The following SOX17 variants were observed in gnomAD, a reference collection of about 807,000 sequenced individuals.
SOX17 encodes the protein SRY-box transcription factor 17.
Under a neutral mutation model 16.0 loss-of-function variants are expected in SOX17, and 4 were observed. The ratio of observed to expected loss-of-function variants is 0.25; its 90% CI spans 0.12 to 0.57. SOX17 has a LOEUF of 0.57. Ranked by LOEUF, SOX17 falls within the 20% of genes least tolerant of loss-of-function variation. The probability of loss-of-function intolerance (pLI) is 0.92; values close to 1 mark genes in which losing one functional copy is unlikely to be tolerated. For missense variants in SOX17, 633 were observed against 609.7 expected, an observed-to-expected ratio of 1.04 and a Z score of -0.40; for synonymous variants, 357 against 284.6, an observed-to-expected ratio of 1.25 and a Z score of -2.56.
At position 54,459,695 on chromosome 8, in the gene SOX17, G is replaced by C; in HGVS notation, c.945G>C (p.Pro315=). 1.3e-6 allele frequency: 2 copies of C among 1,538,158 alleles called. No individual in the cohort carries two copies. The highest frequency in any genetic ancestry group is 1.4e-5 in the African/African-American group (1 of 72,232). Residue 315 remains proline (P), a synonymous_variant, in exon 2 of 2, where the codon CCG becomes CCC. Transcript: ENST00000297316. The part of the protein sequence containing the change: ...AGGGRGFQMQ[P]QHQHQHQHQH... The stretch of plus-strand genomic sequence containing the variant: ...GCGGGCGCGGCTTCCAGATGCAGCC[G>C]CAACACCAGCACCAGCACCAGCACC...
In SOX17 at chr8:54,458,180, C is replaced by T; in HGVS notation, c.42C>T (p.Ser14=). The change falls in exon 1 of 2, where the codon AGC becomes AGT. Residue 14 remains serine (S), a synonymous_variant. Coordinates refer to ENST00000297316, the MANE Select transcript of SOX17 (RefSeq NM_022454.4). ...PDAGYASDDQ[S]QTQSALPAVM... ...CGGGATACGCCAGTGACGACCAGAG[C>T]CAGACCCAGAGCGCGCTGCCCGCGG... 3.8e-6 allele frequency: 6 copies of T among 1,587,062 alleles called. No homozygotes were observed. The highest frequency in any genetic ancestry group is 5.1e-6 in the Non-Finnish European group (6 of 1,171,740).
At position 54,459,698 on chromosome 8, in the gene SOX17, A is replaced by ACACCAGCACCAGCACCAG. The variant is rs564144826; in HGVS notation, c.960_977dup (p.Gln320_His325dup). The ACACCAGCACCAGCACCAG allele has an allele frequency of 4.5e-6, 7 of 1,543,376 alleles. No individual in the cohort carries two copies. The highest frequency in any genetic ancestry group is 4.9e-5 in the East Asian group (2 of 40,960). On this transcript the variant is annotated inframe_insertion, in exon 2 of 2. Transcript: ENST00000297316. Reference sequence around the variant, plus strand: ...GGCGCGGCTTCCAGATGCAGCCGCAACACCAGCACCAGCACCAGCACCAGC... The same window carrying ACACCAGCACCAGCACCAG: ...GGCGCGGCTTCCAGATGCAGCCGCAACACCAGCACCAGCACCAGCACCAGCACCAGCACCAGCACCAGC...
In SOX17 at chr8:54,459,317, C is replaced by G; in HGVS notation, c.567C>G (p.Pro189=). The change falls in exon 2 of 2, where the codon CCC becomes CCG. Residue 189 remains proline, a synonymous_variant. Coordinates refer to ENST00000297316, the MANE Select transcript of SOX17 (RefSeq NM_022454.4). ...LGLQFPEQGF[P]AGPPLLPPHM... is the part of the protein sequence containing the mutation. ...TCCAGTTCCCCGAGCAGGGCTTCCC[C>G]GCCGGCCCGCCGCTGCTGCCTCCGC... The G allele has an allele frequency of 2.0e-6, 3 of 1,526,210 alleles. No individual in the cohort carries two copies. The highest frequency in any genetic ancestry group is 2.6e-6 in the Non-Finnish European group (3 of 1,145,870). The allele number at this position is 1,526,210 out of a possible 1,614,324, so 94.5% of individuals were successfully genotyped here. A position where few individuals can be genotyped will look rare whatever the true frequency, so the allele number is the denominator to read the frequency against.
chr8:54,459,021 G>A (rs1012170231), intron 1 of SOX17, 37 bp from the exon 2 acceptor site: 2 of 1,538,332 alleles, frequency 1.3e-6, no homozygotes, highest in South Asian at 1.2e-5. Flanking sequence ...CAGCCGATAA[G>A]CCCTGCGCCC....
Position 54,459,579 on chromosome 8 carries a change from G to C in SOX17, c.829G>C (p.Glu277Gln). The C allele has an allele frequency of 1.3e-6, 2 of 1,538,870 alleles. No individual in the cohort carries two copies. The highest frequency in any genetic ancestry group is 1.9e-5 in the Admixed American group (1 of 52,422). ...TCCCATGCACCCCCGACTCGGCCCA[G>C]AGCCCGCGGGTCCCTCGATTCCGGG... The part of the protein sequence containing the change: ...AGPMHPRLGP[E>Q]PAGPSIPGLL... Residue 277 changes from glutamate to glutamine, a missense_variant, in exon 2 of 2, where the codon GAG becomes CAG. Physicochemically the swap from Glu to Gln is conservative, Grantham distance 29. This residue lies in a region of SOX17 where 479 missense variants were observed against 397.2 expected (regional missense o/e 1.21). Transcript: ENST00000297316.
chr8:54,458,978 A>G lies in SOX17; in HGVS notation c.308-80A>G, dbSNP rs12544958. 0.31 allele frequency: 400,334 copies of G among 1,292,654 alleles called. 67,778 individuals are homozygous for G. Among genetic ancestry groups the G allele is most frequent in the East Asian group, 0.71 (24,879 of 35,128 alleles). The allele number at this position is 1,292,654 out of a possible 1,614,324, so 80.1% of individuals were successfully genotyped here. A position where few individuals can be genotyped will look rare whatever the true frequency, so the allele number is the denominator to read the frequency against. On this transcript the variant is annotated intron_variant, in intron 1 of 1. Coordinates refer to ENST00000297316, the MANE Select transcript of SOX17 (RefSeq NM_022454.4). Reference sequence around the variant, plus strand: ...AAAGTCTGAGGGGGGAGGTGCGTCCAGGTGGGGCCAGGTGGGGCCTGGAGC... The same window carrying G: ...AAAGTCTGAGGGGGGAGGTGCGTCCGGGTGGGGCCAGGTGGGGCCTGGAGC...
rs532804664 is a variant in SOX17 at position 54,460,006 on chromosome 8, A to C, written c.*11A>C. 10 of 1,613,436 alleles carry C rather than the reference A, an allele frequency of 6.2e-6. No individual in the cohort carries two copies. In the South Asian group the frequency reaches 9.9e-5, roughly 16 times the overall value. The stretch of plus-strand genomic sequence containing the variant: ...TATCCTGACGTGTGACAGGTCCCTG[A>C]TCCGCCCCAGCCTGCAGGCCAGAAG... On this transcript the variant is annotated 3_prime_UTR_variant, in exon 2 of 2. Coordinates refer to ENST00000297316, the MANE Select transcript of SOX17 (RefSeq NM_022454.4).
chr8:54,458,710 G>C (rs370617196), intron 1 of SOX17, among the ~76,000 whole-genome samples: 1 of 152,198 alleles, frequency 6.6e-6, no homozygotes, highest in Non-Finnish European at 1.5e-5. Context: ...GCGACTTCCC[G>C]GCACCTCCGG....
Position 54,459,626 on chromosome 8 carries a change from C to G in SOX17, c.876C>G (p.Ala292=), listed in dbSNP as rs1025519025. 1.2e-5 allele frequency: 18 copies of G among 1,539,302 alleles called. No homozygotes were observed. The African/African-American group carries it at 2.3e-4, about 20-fold the overall frequency. Residue 292 remains alanine (A), a synonymous_variant, in exon 2 of 2, where the codon GCC becomes GCG. Transcript: ENST00000297316. The part of the protein sequence containing the change: ...SIPGLLAPPS[A]LHVYYGAMGS... ...CGGGCCTCCTGGCGCCACCCAGCGC[C>G]CTTCACGTGTACTACGGCGCGATGG...
chr8:54,459,504 A>G lies in SOX17; in HGVS notation c.754A>G (p.Ser252Gly), dbSNP rs1479921230. 5 of 1,526,628 alleles carry G rather than the reference A, an allele frequency of 3.3e-6. No homozygotes were observed. Among genetic ancestry groups the G allele is most frequent in the Admixed American group, 4.0e-5 (2 of 50,530 alleles). The allele number at this position is 1,526,628 out of a possible 1,614,324, so 94.6% of individuals were successfully genotyped here. The change falls in exon 2 of 2, where the codon AGC (serine) becomes GGC (glycine). Residue 252 changes from serine to glycine, a missense_variant. Coordinates refer to ENST00000297316, the MANE Select transcript of SOX17 (RefSeq NM_022454.4). ...PGDCPAAGTYSYAQVSDYAGP... is the reference protein window; with the variant it reads ...PGDCPAAGTYGYAQVSDYAGP... ...GGACTGCCCGGCGGCCGGCACCTAC[A>G]GCTACGCGCAGGTCTCGGACTACGC...
rs1363707702 is a variant in SOX17, at chr8:54,458,237, C to T, written c.99C>T (p.Ala33=). ...CCGGGCTGGGCCCCTGCCCCTGGGC[C>T]GAGTCGCTGAGCCCCATCGGGGACA... ...VMAGLGPCPW[A]ESLSPIGDMK... The change falls in exon 1 of 2, where the codon GCC becomes GCT. Residue 33 remains alanine, a synonymous_variant. Coordinates refer to ENST00000297316, the MANE Select transcript of SOX17 (RefSeq NM_022454.4). 6.3e-7 allele frequency: 1 copy of T among 1,599,478 alleles called. No individual in the cohort carries two copies. Among genetic ancestry groups the T allele is most frequent in the East Asian group, 2.3e-5 (1 of 44,430 alleles).
In SOX17 at chr8:54,458,173, A is replaced by ACCAGAG; in HGVS notation, c.41_46dup (p.Ser14_Gln15dup). The ACCAGAG allele has an allele frequency of 6.3e-7, 1 of 1,584,086 alleles. No homozygotes were observed. Among genetic ancestry groups the ACCAGAG allele is most frequent in the South Asian group, 1.1e-5 (1 of 88,108 alleles). On this transcript the variant is annotated inframe_insertion, in exon 1 of 2. Coordinates refer to ENST00000297316, the MANE Select transcript of SOX17 (RefSeq NM_022454.4). Reference sequence around the variant, plus strand: ...CCGGATGCGGGATACGCCAGTGACGACCAGAGCCAGACCCAGAGCGCGCTG... The same window carrying ACCAGAG: ...CCGGATGCGGGATACGCCAGTGACGACCAGAGCCAGAGCCAGACCCAGAGCGCGCTG...
Position 54,459,304 on chromosome 8 carries a change from A to C in SOX17, c.554A>C (p.Glu185Ala), listed in dbSNP as rs1804693561. 7 of 1,517,282 alleles carry C rather than the reference A, an allele frequency of 4.6e-6. No individual in the cohort carries two copies. In the East Asian group the frequency reaches 1.3e-4, roughly 29 times the overall value. The allele number at this position is 1,517,282 out of a possible 1,614,324, so 94.0% of individuals were successfully genotyped here. A position where few individuals can be genotyped will look rare whatever the true frequency, so the allele number is the denominator to read the frequency against. The change falls in exon 2 of 2, where the codon GAG becomes GCG. Residue 185 changes from glutamate to alanine, a missense_variant. Physicochemically the swap from Glu to Ala is moderately radical, Grantham distance 107 (BLOSUM62 -1). Around this residue, in one of 5 missense-constraint regions of SOX17, gnomAD observed 479 missense variants for 397.2 expected, o/e 1.21. Coordinates refer to ENST00000297316, the MANE Select transcript of SOX17 (RefSeq NM_022454.4). ...AMDGLGLQFP[E>A]QGFPAGPPLL... is the part of the protein sequence containing the mutation. ...GACGGCCTGGGCCTCCAGTTCCCCG[A>C]GCAGGGCTTCCCCGCCGGCCCGCCG...
In SOX17 at chr8:54,459,402, C is replaced by G. The variant is rs1412027001; in HGVS notation, c.652C>G (p.Pro218Ala). The G allele has an allele frequency of 6.5e-7, 1 of 1,550,306 alleles. No individual in the cohort carries two copies. Among genetic ancestry groups the G allele is most frequent in the Non-Finnish European group, 8.6e-7 (1 of 1,158,516 alleles). ...SLGAPPLDGYPLPTPDTSPLD... is the reference protein window; with the variant it reads ...SLGAPPLDGYALPTPDTSPLD... ...GGGCGCGCCTCCGCTCGACGGCTACCCGTTGCCCACGCCCGACACGTCCCC... is the reference window on the plus strand; with the variant it reads ...GGGCGCGCCTCCGCTCGACGGCTACGCGTTGCCCACGCCCGACACGTCCCC... Residue 218 changes from proline (P) to alanine (A), a missense_variant, in exon 2 of 2, where the codon CCG becomes GCG. Around this residue, in one of 5 missense-constraint regions of SOX17, gnomAD observed 479 missense variants for 397.2 expected, o/e 1.21. Coordinates refer to ENST00000297316, the MANE Select transcript of SOX17 (RefSeq NM_022454.4).
chr8:54,459,389 G>C lies in SOX17; in HGVS notation c.639G>C (p.Pro213=), dbSNP rs777408979. 6.4e-6 allele frequency: 10 copies of C among 1,556,598 alleles called. No individual in the cohort carries two copies. Among genetic ancestry groups the C allele is most frequent in the Non-Finnish European group, 8.6e-6 (10 of 1,161,980 alleles). Residue 213 remains proline (P), a synonymous_variant, in exon 2 of 2, where the codon CCG becomes CCC. Coordinates refer to ENST00000297316, the MANE Select transcript of SOX17 (RefSeq NM_022454.4). ...ACTGCCAGAGTCTGGGCGCGCCTCC[G>C]CTCGACGGCTACCCGTTGCCCACGC... ...YRDCQSLGAP[P]LDGYPLPTPD...
In SOX17 at chr8:54,459,301, C is replaced by T. The variant is rs1438212585; in HGVS notation, c.551C>T (p.Pro184Leu). ...VAMDGLGLQF[P>L]EQGFPAGPPL... ...ATGGACGGCCTGGGCCTCCAGTTCC[C>T]CGAGCAGGGCTTCCCCGCCGGCCCG... The change falls in exon 2 of 2, where the codon CCC becomes CTC. Residue 184 changes from proline to leucine, a missense_variant. Pro to Leu is a moderately conservative substitution (Grantham distance 98, BLOSUM62 -3). Around this residue, in one of 5 missense-constraint regions of SOX17, gnomAD observed 479 missense variants for 397.2 expected, o/e 1.21. Coordinates refer to ENST00000297316, the MANE Select transcript of SOX17 (RefSeq NM_022454.4). 2.6e-6 allele frequency: 4 copies of T among 1,515,378 alleles called. No individual in the cohort carries two copies. Among genetic ancestry groups the T allele is most frequent in the Non-Finnish European group, 3.5e-6 (4 of 1,138,496 alleles). The allele number at this position is 1,515,378 out of a possible 1,614,324, so 93.9% of individuals were successfully genotyped here. A position where few individuals can be genotyped will look rare whatever the true frequency, so the allele number is the denominator to read the frequency against.
chr8:54,459,878 C>A lies in SOX17; in HGVS notation c.1128C>A (p.Gly376=), dbSNP rs762409444. ...ACTTCGTGTGCAAGCCTGAGATGGG[C>A]CTCCCCTACCAGGGGCATGACTCCG... ...YLHFVCKPEM[G]LPYQGHDSGV... The change falls in exon 2 of 2, where the codon GGC becomes GGA. Residue 376 remains glycine (G), a synonymous_variant. Coordinates refer to ENST00000297316, the MANE Select transcript of SOX17 (RefSeq NM_022454.4). 3.1e-6 allele frequency: 5 copies of A among 1,613,900 alleles called. No individual in the cohort carries two copies. The highest frequency in any genetic ancestry group is 4.2e-6 in the Non-Finnish European group (5 of 1,180,038).
chr8:54,459,816 G>C lies in SOX17; in HGVS notation c.1066G>C (p.Gly356Arg). The change falls in exon 2 of 2, where the codon GGG (glycine) becomes CGG (arginine). Residue 356 changes from glycine to arginine, a missense_variant. By Grantham distance (125) the Gly-to-Arg change is moderately radical (BLOSUM62 -2). Transcript: ENST00000297316. Reference protein sequence around the residue: ...TDPSQPAELLGEVDRTEFEQY... With the variant: ...TDPSQPAELLREVDRTEFEQY... ...CCCCAGTCAGCCCGCCGAGCTCCTC[G>C]GGGAGGTGGACCGCACGGAATTTGA... 6.2e-7 allele frequency: 1 copy of C among 1,612,506 alleles called. No homozygotes were observed. The highest frequency in any genetic ancestry group is 8.5e-7 in the Non-Finnish European group (1 of 1,179,676).
intron 1 of SOX17, 42 bp downstream of exon 1, chr8:54,458,487 G>A: frequency 6.2e-7 from 1 of 1,609,134 alleles, no homozygotes; most frequent in Non-Finnish European, 8.5e-7. Context: ...GCGCGCTGGC[G>A]CGAATCGCTA....
Sources: gnomAD v4.1 joint callset for allele counts (sites outside exome capture counted in the v4.1 genomes callset) on GRCh38, gnomAD v4.1.1 for gene constraint, gnomAD v4.1.1 regional missense constraint, MANE v1.5 for transcripts, NCBI Gene and HGNC (gene_info 2026-07-23, HGNC 2026-07-21) for gene names.